Variants in CD99 observed in about 807,000 individuals in gnomAD.
CD99 encodes CD99 molecule (Xg blood group), also known as CD99 antigen.
In CD99, 19 loss-of-function variants were observed where a neutral mutation model predicts 28.4. The ratio of observed to expected loss-of-function variants is 0.67; its 90% CI spans 0.47 to 0.98. The LOEUF (loss-of-function observed/expected upper bound fraction) is 0.98. Among genes scored for constraint, CD99 ranks in the 50% least tolerant of loss-of-function variants. CD99 has a pLI of 0.00. For missense variants in CD99, 283 were observed against 248.8 expected, an observed-to-expected ratio of 1.14 and a Z score of -0.92; for synonymous variants, 103 against 92.1, an observed-to-expected ratio of 1.12 and a Z score of -0.67.
chrX:2,720,146 T>G (rs2048924505), intron 4 of CD99, among the ~76,000 whole-genome samples: 2 of 152,176 alleles, frequency 1.3e-5, no homozygotes, highest in Admixed American at 6.5e-5. Flanking sequence ...GACACCCGCT[T>G]TAATTTTTAT....
chrX:2,726,199 C>T, intron 7 of CD99, 61 bp from the exon 8 acceptor site: 2 of 1,013,534 alleles, frequency 2.0e-6, no homozygotes, highest in Non-Finnish European at 1.6e-6. Context: ...GCCACTGCCC[C>T]CTGGGATCTT....
chrX:2,715,850 C>A (rs193038992), intron 2 of CD99, among the ~76,000 whole-genome samples: 28 of 152,204 alleles, frequency 1.8e-4, no homozygotes, highest in African/African-American at 6.5e-4. Context: ...ATCTAAATTT[C>A]CTTCCTATAA....
intron 7 of CD99, 79 bp downstream of exon 7, chrX:2,723,443 G>T (rs1291086251): frequency 1.2e-5 from 18 of 1,506,456 alleles, no homozygotes; most frequent in Non-Finnish European, 1.7e-5. Flanking sequence ...GAGAGCTGGC[G>T]GACTGCACTG....
chrX:2,738,333 G>C, intron 9 of CD99, 77 bp downstream of exon 9: 1 of 1,381,624 alleles, frequency 7.2e-7, no homozygotes. Flanking sequence ...CTCCCATCTT[G>C]CTGTCCTGCT....
chrX:2,695,326 C>G (rs1192993459), intron 1 of CD99, among the ~76,000 whole-genome samples: 1 of 152,084 alleles, frequency 6.6e-6, no homozygotes, highest in Non-Finnish European at 1.5e-5. Context: ...CTGCCTCAGC[C>G]TCCCAATTAG....
intron 1 of CD99, among the ~76,000 whole-genome samples, chrX:2,705,055 G>GT (rs2124503217): frequency 6.6e-6 from 1 of 152,352 alleles, no homozygotes; most frequent in African/African-American, 2.4e-5. Context: ...AGAGAGACGA[G>GT]TTTAACTATT....
At chrX:2,739,803 C>G (rs1223682800) in intron 9 of CD99, among the ~76,000 whole-genome samples, 1 of 148,802 alleles carries the variant, frequency 6.7e-6, no homozygotes, top group Non-Finnish European at 1.5e-5. Flanking sequence ...TCGCCAGACG[C>G]GGTGGCTAAT....
intron 8 of CD99, chrX:2,733,410 C>G: frequency 1.3e-6 from 2 of 1,580,380 alleles, no homozygotes; most frequent in Non-Finnish European, 1.7e-6. Flanking sequence ...TGCGGAGCGT[C>G]CTGACCGTAA....
At chrX:2,706,134 C>T (rs1473170977) in intron 1 of CD99, among the ~76,000 whole-genome samples, 5 of 151,014 alleles carry the variant, frequency 3.3e-5, no homozygotes, top group Non-Finnish European at 5.9e-5. Flanking sequence ...CCGAGGCGGG[C>T]GGATCACGAG....
chrX:2,727,769 A>G (rs1482455679), intron 8 of CD99, among the ~76,000 whole-genome samples: 2 of 152,004 alleles, frequency 1.3e-5, no homozygotes, highest in Non-Finnish European at 2.9e-5. Flanking sequence ...GAGGCACCAC[A>G]CCTGGCCAAC....
At chrX:2,721,646 G>A (rs1445426312) in intron 5 of CD99, among the ~76,000 whole-genome samples, 1 of 152,042 alleles carries the variant, frequency 6.6e-6, no homozygotes, top group Non-Finnish European at 1.5e-5. Context: ...CAAGTCTTTT[G>A]TTTGTACTGC....
Position 2,740,965 on chromosome X carries a change from C to T in CD99, c.*161C>T, listed in dbSNP as rs1287907571. The T allele has an allele frequency of 1.5e-5, 12 of 814,940 alleles. No individual in the cohort carries two copies. The highest frequency in any genetic ancestry group is 2.1e-5 in the Non-Finnish European group (10 of 480,812). 50.5% of individuals were successfully genotyped at this position (814,940 alleles called of 1,614,324 possible). The stretch of plus-strand genomic sequence containing the variant: ...GCGATGTGCTTTGCTTGTTGCTGGG[C>T]GGATGATGTTTACTAACGATGAATT... On this transcript the variant is annotated 3_prime_UTR_variant, in exon 10 of 10. Transcript: ENST00000381192.
At chrX:2,733,190 C>T (rs1238398204) in intron 8 of CD99, 1 of 216,638 alleles carries the variant, frequency 4.6e-6, no homozygotes. Context: ...TTGGTTTCCA[C>T]TTCCCACTCT....
intron 8 of CD99, chrX:2,733,602 G>A (rs1448711758): frequency 1.9e-6 from 1 of 526,524 alleles, no homozygotes; most frequent in South Asian, 3.8e-5. Context: ...TCATATTTCT[G>A]CATAAGAGCT....
At chrX:2,706,523 G>A (rs1328389467) in intron 1 of CD99, among the ~76,000 whole-genome samples, 3 of 152,168 alleles carry the variant, frequency 2.0e-5, no homozygotes, top group Non-Finnish European at 4.4e-5. Flanking sequence ...AAAGGGTGTG[G>A]AAAACCAGCA....
chrX:2,692,068 G>A, intron 1 of CD99: 1 of 612,086 alleles, frequency 1.6e-6, no homozygotes, highest in Non-Finnish European at 2.9e-6. Flanking sequence ...ATCTGCGGCG[G>A]TGGAGAATTC....
chrX:2,701,757 G>A (rs934673368), intron 1 of CD99, among the ~76,000 whole-genome samples: 1 of 152,226 alleles, frequency 6.6e-6, no homozygotes, highest in African/African-American at 2.4e-5. Context: ...GTGCGGGGAC[G>A]CTTAACCTGC....
At chrX:2,716,546 CCACGGTGGGATCTTGTCT>C (rs2048729623) in intron 2 of CD99, among the ~76,000 whole-genome samples, 2 of 152,062 alleles carry the variant, frequency 1.3e-5, no homozygotes, top group Admixed American at 1.3e-4. Flanking sequence ...GATTGGAGTG[CCACGGTGGGATCTTGTCT>C]CACTACAGCC....
intron 8 of CD99, among the ~76,000 whole-genome samples, chrX:2,730,437 G>C (rs942163907): frequency 6.6e-6 from 1 of 152,070 alleles, no homozygotes; most frequent in African/African-American, 2.4e-5. Context: ...CTCCCAAAGT[G>C]CTAGAATTAC....
Sources: allele counts gnomAD v4.1 joint callset (sites outside exome capture counted in the v4.1 genomes callset), GRCh38; gene constraint gnomAD v4.1.1; transcripts MANE v1.5; gene names NCBI Gene and HGNC (gene_info 2026-07-23, HGNC 2026-07-21).